The following TMEM132D variants were observed in gnomAD, a reference collection of about 807,000 sequenced individuals.
TMEM132D encodes mature OL transmembrane protein.
A neutral mutation model predicts 62.3 loss-of-function variants in TMEM132D; 21 were observed. The observed-to-expected ratio is 0.34, with a 90% CI of 0.24 to 0.49. The LOEUF (loss-of-function observed/expected upper bound fraction) is 0.49, where lower values mean the gene tolerates loss of function less well. Ranked by LOEUF, TMEM132D falls within the 20% of genes least tolerant of loss-of-function variation. The pLI, the probability that TMEM132D is intolerant of heterozygous loss-of-function variation, is 0.99. For synonymous variants in TMEM132D, 621 were observed against 575.6 expected (o/e 1.08, Z -1.13); for missense variants, 1,346 against 1,402.8 (o/e 0.96, Z 0.65).
chr12:129,886,820 C>A (rs1857224747), intron 1 of TMEM132D, among the ~76,000 whole-genome samples: 1 of 152,150 alleles, frequency 6.6e-6, no homozygotes. Context: ...TACCCCCATG[C>A]TGCTGTTCTC....
intron 4 of TMEM132D, among the ~76,000 whole-genome samples, chr12:129,236,376 G>A (rs535571491): frequency 2.6e-5 from 4 of 151,652 alleles, no homozygotes; most frequent in East Asian, 1.9e-4. Context: ...TTAGCCAGGC[G>A]TGGTGGCGTG....
intron 2 of TMEM132D, among the ~76,000 whole-genome samples, chr12:129,654,498 C>G (rs965395004): frequency 2.0e-5 from 3 of 152,122 alleles, no homozygotes. Context: ...TTTCTTCCCC[C>G]CTAATAACCA....
intron 5 of TMEM132D, among the ~76,000 whole-genome samples, chr12:129,131,298 C>G (rs1394386943): frequency 6.6e-6 from 1 of 152,170 alleles, no homozygotes; most frequent in Non-Finnish European, 1.5e-5. Context: ...TTGGAGAAAA[C>G]AAACAACCAC....
chr12:129,630,974 G>A (rs1399477000), intron 2 of TMEM132D, among the ~76,000 whole-genome samples: 1 of 152,050 alleles, frequency 6.6e-6, no homozygotes, highest in African/African-American at 2.4e-5. Context: ...TTCTGTTTCT[G>A]CATTAAGAAA....
intron 2 of TMEM132D, among the ~76,000 whole-genome samples, chr12:129,667,594 A>T (rs1880406980): frequency 6.6e-6 from 1 of 152,170 alleles, no homozygotes; most frequent in South Asian, 2.1e-4. Context: ...TTAATATTTG[A>T]CAAACTTTCC....
chr12:129,176,229 C>G (rs1043708458), intron 5 of TMEM132D, among the ~76,000 whole-genome samples: 9 of 152,212 alleles, frequency 5.9e-5, no homozygotes, highest in Non-Finnish European at 1.2e-4. Context: ...GGTATCTGCT[C>G]AGTGTATGAG....
chr12:129,185,258 A>G (rs1270521952), intron 5 of TMEM132D, among the ~76,000 whole-genome samples: 1 of 152,220 alleles, frequency 6.6e-6, no homozygotes, highest in Non-Finnish European at 1.5e-5. Flanking sequence ...ACACATCTCT[A>G]AGCTTTCAAA....
intron 4 of TMEM132D, among the ~76,000 whole-genome samples, chr12:129,321,574 T>G (rs76836439): frequency 1.3e-5 from 2 of 152,018 alleles, no homozygotes; most frequent in Admixed American, 1.3e-4. Flanking sequence ...TTTTTTTTTT[T>G]GAGACGGAGT....
chr12:129,835,770 C>T (rs1281226627), intron 1 of TMEM132D, among the ~76,000 whole-genome samples: 1 of 152,184 alleles, frequency 6.6e-6, no homozygotes, highest in South Asian at 2.1e-4. Context: ...CAATGCCTTG[C>T]AGGGATGAGT....
chr12:129,490,778 T>A (rs1006423933), intron 3 of TMEM132D, among the ~76,000 whole-genome samples: 8 of 151,778 alleles, frequency 5.3e-5, no homozygotes, highest in Admixed American at 6.6e-5. Flanking sequence ...ATGAAAGAAC[T>A]CTGGTGACCC....
intron 1 of TMEM132D, among the ~76,000 whole-genome samples, chr12:129,818,586 AGT>A (rs748568912): frequency 3.7e-5 from 5 of 135,582 alleles, no homozygotes; most frequent in Non-Finnish European, 3.2e-5. Flanking sequence ...ATGTGTGTGG[AGT>A]GTGTTTGTGT....
At chr12:129,776,802 A>G (rs1388575173) in intron 1 of TMEM132D, among the ~76,000 whole-genome samples, 5 of 151,706 alleles carry the variant, frequency 3.3e-5, no homozygotes, top group South Asian at 2.1e-4. Flanking sequence ...AAAAAAAAAA[A>G]AAAAAGAAAA....
At chr12:129,083,035 T>C (rs1874504411) in intron 6 of TMEM132D, among the ~76,000 whole-genome samples, 1 of 152,232 alleles carries the variant, frequency 6.6e-6, no homozygotes, top group Admixed American at 6.5e-5. Flanking sequence ...AGCATGTTGT[T>C]CTTTTAAACC....
intron 1 of TMEM132D, among the ~76,000 whole-genome samples, chr12:129,877,606 C>CGT (rs1874461438): frequency 1.1e-5 from 1 of 91,378 alleles, no homozygotes; most frequent in South Asian, 5.8e-4. Flanking sequence ...ACCAAACGCG[C>CGT]GCGCGCGCAC....
intron 4 of TMEM132D, among the ~76,000 whole-genome samples, chr12:129,236,011 C>T (rs1485220541): frequency 6.6e-6 from 1 of 151,892 alleles, no homozygotes; most frequent in African/African-American, 2.4e-5. Flanking sequence ...TTTGCAGCAT[C>T]TTCAATTTCT....
At chr12:129,582,948 G>A (rs980633008) in intron 2 of TMEM132D, among the ~76,000 whole-genome samples, 5 of 151,100 alleles carry the variant, frequency 3.3e-5, no homozygotes, top group Non-Finnish European at 4.4e-5. Context: ...GTTTTGTTTT[G>A]GAGACAGAGT....
At chr12:129,191,043 C>A (rs1026292352) in intron 5 of TMEM132D, among the ~76,000 whole-genome samples, 1 of 152,076 alleles carries the variant, frequency 6.6e-6, no homozygotes, top group African/African-American at 2.4e-5. Context: ...CGGGTCACTG[C>A]CAGTGGTGCT....
At chr12:129,093,414 T>A (rs895996473) in intron 5 of TMEM132D, among the ~76,000 whole-genome samples, 1 of 152,092 alleles carries the variant, frequency 6.6e-6, no homozygotes, top group Non-Finnish European at 1.5e-5. Flanking sequence ...AGCCAAATCA[T>A]GAGTGAACTC....
intron 1 of TMEM132D, among the ~76,000 whole-genome samples, chr12:129,765,781 G>A (rs1012325843): frequency 1.3e-5 from 2 of 152,118 alleles, no homozygotes; most frequent in African/African-American, 4.8e-5. Flanking sequence ...ATCCTCATGA[G>A]TTAAATAAAC....
Sources: allele counts gnomAD v4.1 joint callset (sites outside exome capture counted in the v4.1 genomes callset), GRCh38; gene constraint gnomAD v4.1.1; transcripts MANE v1.5; gene names NCBI Gene and HGNC (gene_info 2026-07-23, HGNC 2026-07-21).